The following PARD3B variants were observed in gnomAD, a reference collection of about 807,000 sequenced individuals.
The protein encoded by PARD3B is partitioning defective 3 homolog B.
A neutral mutation model predicts 130.2 loss-of-function variants in PARD3B; 103 were observed. That is an observed-to-expected ratio of 0.79 (90% CI 0.67 to 0.93). The LOEUF is 0.93. Ranked by LOEUF, PARD3B falls within the 40% of genes least tolerant of loss-of-function variation. PARD3B has a pLI of 0.00. For missense variants in PARD3B, 1,609 were observed against 1,499.2 expected (o/e 1.07, Z -1.21); for synonymous variants, 583 against 553.2 (o/e 1.05, Z -0.76).
intron 3 of PARD3B, among the ~76,000 whole-genome samples, chr2:205,006,269 A>C (rs1258312131): frequency 6.6e-6 from 1 of 152,238 alleles, no homozygotes; most frequent in Non-Finnish European, 1.5e-5. Context: ...GTGCTGCTGT[A>C]AACGTGTGTA....
chr2:204,788,492 G>T (rs909361220), intron 2 of PARD3B, among the ~76,000 whole-genome samples: 22 of 152,180 alleles, frequency 1.4e-4, no homozygotes, highest in African/African-American at 4.8e-4. Flanking sequence ...AAGCCACCCA[G>T]GTGCAGATGA....
At chr2:205,390,929 G>T (rs1574897546) in intron 18 of PARD3B, among the ~76,000 whole-genome samples, 2 of 152,328 alleles carry the variant, frequency 1.3e-5, no homozygotes, top group Non-Finnish European at 2.9e-5. Flanking sequence ...GTTAGCCCTT[G>T]TTGGATTTAT....
intron 6 of PARD3B, among the ~76,000 whole-genome samples, chr2:205,114,376 C>T (rs1703873611): frequency 6.6e-6 from 1 of 152,020 alleles, no homozygotes; most frequent in Admixed American, 6.6e-5. Flanking sequence ...TTGATATTGA[C>T]AAGGGTTGTC....
chr2:204,609,286 C>T (rs547328929), intron 1 of PARD3B, among the ~76,000 whole-genome samples: 29 of 152,108 alleles, frequency 1.9e-4, no homozygotes, highest in Non-Finnish European at 3.1e-4. Context: ...AATGGCATCT[C>T]GGAAGGATTA....
At chr2:205,030,358 A>G (rs894808923) in intron 3 of PARD3B, among the ~76,000 whole-genome samples, 10 of 152,216 alleles carry the variant, frequency 6.6e-5, no homozygotes, top group Non-Finnish European at 1.2e-4. Context: ...CAAGTTGTGT[A>G]GTGGAGACAT....
intron 1 of PARD3B, among the ~76,000 whole-genome samples, chr2:204,592,604 T>C (rs1055923099): frequency 6.6e-6 from 1 of 152,254 alleles, no homozygotes; most frequent in Non-Finnish European, 1.5e-5. Flanking sequence ...CTAATTTTTA[T>C]AACAGCTTTA....
At chr2:205,279,386 G>C (rs1426671914) in intron 16 of PARD3B, among the ~76,000 whole-genome samples, 1 of 152,080 alleles carries the variant, frequency 6.6e-6, no homozygotes. Context: ...CGCCATTGGA[G>C]GACTCGTCCT....
intron 20 of PARD3B, among the ~76,000 whole-genome samples, chr2:205,462,113 G>T (rs892285445): frequency 6.6e-6 from 1 of 152,148 alleles, no homozygotes; most frequent in East Asian, 1.9e-4. Context: ...AATGGGTTTT[G>T]TGCATTAGTC....
chr2:204,715,018 A>T (rs1396108665), intron 2 of PARD3B, among the ~76,000 whole-genome samples: 2 of 152,204 alleles, frequency 1.3e-5, no homozygotes, highest in African/African-American at 4.8e-5. Flanking sequence ...ACTCACAAAG[A>T]TAGCTTTTGA....
intron 1 of PARD3B, among the ~76,000 whole-genome samples, chr2:204,652,791 A>C (rs890202815): frequency 6.6e-6 from 1 of 151,574 alleles, no homozygotes. Flanking sequence ...GGAAGCATGA[A>C]TGGGAGGACT....
In PARD3B at chr2:204,545,704, A is replaced by C. The variant is rs1438695154; in HGVS notation, c.-296A>C. The stretch of plus-strand genomic sequence containing the variant: ...GGAGCAGCCGCCTGGGCCGGGCAGG[A>C]GTAGGAGCGGGAGGAGGAGGAGGAG... On this transcript the variant is annotated 5_prime_UTR_variant, in exon 1 of 23. Coordinates refer to ENST00000406610, the MANE Select transcript of PARD3B (RefSeq NM_001302769.2). The C allele has an allele frequency of 3.6e-6, 1 of 278,112 alleles. No homozygotes were observed. The highest frequency in any genetic ancestry group is 6.5e-6 in the Non-Finnish European group (1 of 153,042). 17.2% of individuals were successfully genotyped at this position (278,112 alleles called of 1,614,324 possible). A position where few individuals can be genotyped will look rare whatever the true frequency, so the allele number is the denominator to read the frequency against.
chr2:204,561,876 C>T (rs1414043344), intron 1 of PARD3B, among the ~76,000 whole-genome samples: 6 of 152,066 alleles, frequency 3.9e-5, no homozygotes, highest in Admixed American at 2.6e-4. Flanking sequence ...AGATTACAGG[C>T]GTGAGTCACC....
chr2:204,982,142 G>A (rs147386328), intron 3 of PARD3B, among the ~76,000 whole-genome samples: 74 of 152,214 alleles, frequency 4.9e-4, no homozygotes, highest in Middle Eastern at 6.8e-3. Context: ...CCTTCTGCAA[G>A]GTTTGAATTG....
chr2:205,585,215 C>T lies in PARD3B; in HGVS notation c.3261-30241C>T, dbSNP rs1200725087. Among the ~76,000 whole-genome samples the T allele has an allele frequency of 6.6e-6, 1 of 152,192 alleles. No individual in the cohort carries two copies. Among genetic ancestry groups the T allele is most frequent in the Non-Finnish European group, 1.5e-5 (1 of 68,044 alleles). ...TGGCAAGAGGCATATTTGGAATGCA[C>T]AGGCTGGGAGATGAAAATGTGTATG... On this transcript the variant is annotated intron_variant, in intron 22 of 22. Coordinates refer to ENST00000406610, the MANE Select transcript of PARD3B (RefSeq NM_001302769.2). This position sits in a 1 kb window ranked among gnomAD's most constrained non-coding sequence, Gnocchi z 5.4.
chr2:205,001,505 C>T (rs1694825844), intron 3 of PARD3B, among the ~76,000 whole-genome samples: 1 of 152,204 alleles, frequency 6.6e-6, no homozygotes, highest in South Asian at 2.1e-4. Flanking sequence ...AATAGCTTTA[C>T]TGGGAGACTC....
intron 15 of PARD3B, among the ~76,000 whole-genome samples, chr2:205,220,784 T>C (rs1413004692): frequency 6.6e-6 from 1 of 152,164 alleles, no homozygotes; most frequent in Non-Finnish European, 1.5e-5. Flanking sequence ...GTCAGTGAAC[T>C]TTGTGGCTAT....
chr2:204,888,730 CAAAAA>C (rs11315348), intron 2 of PARD3B, among the ~76,000 whole-genome samples: 1 of 81,380 alleles, frequency 1.2e-5, no homozygotes, highest in African/African-American at 3.8e-5. Flanking sequence ...GACCCTGTCT[CAAAAA>C]AAAAAAAAAA....
At chr2:205,373,579 T>C (rs962677630) in intron 18 of PARD3B, among the ~76,000 whole-genome samples, 2 of 152,176 alleles carry the variant, frequency 1.3e-5, no homozygotes, top group African/African-American at 4.8e-5. Flanking sequence ...AAAGCCATAG[T>C]TGAAGTTTAT....
chr2:204,861,560 G>A (rs561601532), intron 2 of PARD3B, among the ~76,000 whole-genome samples: 9 of 152,176 alleles, frequency 5.9e-5, no homozygotes, highest in African/African-American at 1.7e-4. Flanking sequence ...AGATCAAAAG[G>A]GATAAGTAAG....
Sources: gnomAD v4.1 joint callset for allele counts (sites outside exome capture counted in the v4.1 genomes callset) on GRCh38, gnomAD v4.1.1 for gene constraint, Gnocchi (gnomAD v3.1) non-coding constraint, MANE v1.5 for transcripts, NCBI Gene and HGNC (gene_info 2026-07-23, HGNC 2026-07-21) for gene names.